The following ODAD2 variants were observed in gnomAD, a reference collection of about 807,000 sequenced individuals.
The protein encoded by ODAD2 is outer dynein arm docking complex subunit 2.
In ODAD2, 89 loss-of-function variants were observed where a neutral mutation model predicts 106.8. The ratio of observed to expected loss-of-function variants is 0.83; its 90% confidence interval spans 0.70 to 0.99. The LOEUF (loss-of-function observed/expected upper bound fraction) is 0.99. Ranked by LOEUF, ODAD2 falls within the 50% of genes least tolerant of loss-of-function variation. The probability of loss-of-function intolerance (pLI) is 0.00; values close to 1 mark genes in which losing one functional copy is unlikely to be tolerated. For missense variants in ODAD2, 1,168 were observed against 1,238.5 expected, an observed-to-expected ratio of 0.94 and a Z score of 0.85; for synonymous variants, 404 against 436.2, an observed-to-expected ratio of 0.93 and a Z score of 0.92.
chr10:27,848,372 T>C (rs1473212559), intron 19 of ODAD2, among the ~76,000 whole-genome samples: 2 of 152,198 alleles, frequency 1.3e-5, no homozygotes, highest in Non-Finnish European at 2.9e-5. Flanking sequence ...TAGCCATATG[T>C]AGGAAGCTGA....
intron 19 of ODAD2, among the ~76,000 whole-genome samples, chr10:27,845,522 A>G (rs1433931938): frequency 6.6e-6 from 1 of 152,228 alleles, no homozygotes; most frequent in African/African-American, 2.4e-5. Flanking sequence ...ACTAACAAGC[A>G]AAAGAACCAG....
chr10:27,949,475 G>A (rs563330191), intron 10 of ODAD2, among the ~76,000 whole-genome samples: 9 of 152,228 alleles, frequency 5.9e-5, no homozygotes, highest in African/African-American at 1.9e-4. Flanking sequence ...GAAAATAGGC[G>A]ATTTCCCAGG....
intron 19 of ODAD2, among the ~76,000 whole-genome samples, chr10:27,858,747 T>C (rs1377308417): frequency 2.0e-5 from 3 of 151,910 alleles, no homozygotes; most frequent in Admixed American, 6.6e-5. Context: ...TAATTGCGAG[T>C]TGCATATACA....
chr10:27,981,401 A>G, intron 7 of ODAD2, 65 bp downstream of exon 7: 1 of 1,387,992 alleles, frequency 7.2e-7, no homozygotes, highest in Non-Finnish European at 9.4e-7. Flanking sequence ...TTTTTCTTGT[A>G]CCATAGAAAG....
At chr10:27,897,516 A>G (rs912414700) in intron 17 of ODAD2, among the ~76,000 whole-genome samples, 1 of 152,082 alleles carries the variant, frequency 6.6e-6, no homozygotes, top group Non-Finnish European at 1.5e-5. Flanking sequence ...TCTTTCTTAT[A>G]TTGTCTCTTC....
At chr10:27,925,217 T>A (rs1845174132) in intron 16 of ODAD2, among the ~76,000 whole-genome samples, 1 of 152,144 alleles carries the variant, frequency 6.6e-6, no homozygotes, top group African/African-American at 2.4e-5. Context: ...GCAAGGTTAG[T>A]TCAATGTTTG....
intron 1 of ODAD2, among the ~76,000 whole-genome samples, chr10:27,996,967 T>C (rs1850591210): frequency 6.6e-6 from 1 of 152,222 alleles, no homozygotes; most frequent in Non-Finnish European, 1.5e-5. Context: ...ACACTATCAA[T>C]ATTTAAAACT....
intron 19 of ODAD2, among the ~76,000 whole-genome samples, chr10:27,823,121 G>T (rs186163710): frequency 7.2e-5 from 11 of 152,278 alleles, no homozygotes; most frequent in Admixed American, 3.3e-4. Context: ...CAGAGGAAAA[G>T]GAAGTGATAA....
At chr10:27,825,362 A>C (rs1452007796) in intron 19 of ODAD2, among the ~76,000 whole-genome samples, 3 of 152,236 alleles carry the variant, frequency 2.0e-5, no homozygotes, top group Non-Finnish European at 4.4e-5. Context: ...AGAATGTAAT[A>C]AAACCTTTCT....
intron 9 of ODAD2, among the ~76,000 whole-genome samples, chr10:27,967,455 G>C (rs1472085983): frequency 2.6e-4 from 40 of 152,036 alleles, no homozygotes; most frequent in African/African-American, 8.7e-4. Flanking sequence ...CTACCCTCCA[G>C]AAATAATGAG....
intron 16 of ODAD2, among the ~76,000 whole-genome samples, chr10:27,923,353 C>T (rs917684679): frequency 8.5e-5 from 13 of 152,064 alleles, no homozygotes; most frequent in African/African-American, 3.1e-4. Context: ...GATAAATATT[C>T]TGTTACCAAA....
intron 16 of ODAD2, among the ~76,000 whole-genome samples, chr10:27,927,203 T>C (rs1845315005): frequency 6.6e-6 from 1 of 152,102 alleles, no homozygotes; most frequent in African/African-American, 2.4e-5. Flanking sequence ...CTGAGAAACA[T>C]ATAAAGGAAG....
chr10:27,984,113 A>C lies in ODAD2; in HGVS notation c.682+71T>G. ...TTAAACCTTCTCTTGTAATGTAGACATTGAAAGCATTTTGCAAATGTAATT... is the reference window on the plus strand; with the variant it reads ...TTAAACCTTCTCTTGTAATGTAGACCTTGAAAGCATTTTGCAAATGTAATT... On this transcript the variant is annotated intron_variant, in intron 5 of 19. Coordinates refer to ENST00000305242, the MANE Select transcript of ODAD2 (RefSeq NM_018076.5). The C allele has an allele frequency of 4.7e-6, 7 of 1,485,618 alleles. No homozygotes were observed. In the South Asian group the frequency reaches 8.1e-5, roughly 17 times the overall value. 92.0% of individuals were successfully genotyped at this position (1,485,618 alleles called of 1,614,324 possible).
intron 19 of ODAD2, among the ~76,000 whole-genome samples, chr10:27,848,940 T>G (rs1214187436): frequency 6.6e-6 from 1 of 152,176 alleles, no homozygotes; most frequent in Non-Finnish European, 1.5e-5. Context: ...AGGAACACTT[T>G]TACACTGTTA....
chr10:27,984,112 C>T (rs1849727530), intron 5 of ODAD2, 72 bp downstream of exon 5: 2 of 1,471,408 alleles, frequency 1.4e-6, no homozygotes, highest in Non-Finnish European at 1.9e-6. Flanking sequence ...GTAATGTAGA[C>T]ATTGAAAGCA....
intron 19 of ODAD2, among the ~76,000 whole-genome samples, chr10:27,841,253 A>G (rs924126461): frequency 6.6e-6 from 1 of 152,166 alleles, no homozygotes; most frequent in Admixed American, 6.5e-5. Context: ...GGTAGAAAAA[A>G]GGTTTGTGAA....
At chr10:27,966,571 A>G (rs891171313) in intron 9 of ODAD2, among the ~76,000 whole-genome samples, 2 of 152,148 alleles carry the variant, frequency 1.3e-5, no homozygotes, top group African/African-American at 2.4e-5. Flanking sequence ...GCAACTGCAT[A>G]TTCAGGAGGT....
At position 27,892,059 on chromosome 10, in the gene ODAD2, C is replaced by T. The variant is rs1054677912; in HGVS notation, c.2610+15604G>A. On this transcript the variant is annotated intron_variant, in intron 17 of 19. Coordinates refer to ENST00000305242, the MANE Select transcript of ODAD2 (RefSeq NM_018076.5). ...CTTTTTCTCCAAAAATGTGTTTGATCGTTCAGCTTGAAAGAAACAGTTTTA... is the reference window on the plus strand; with the variant it reads ...CTTTTTCTCCAAAAATGTGTTTGATTGTTCAGCTTGAAAGAAACAGTTTTA... Among the ~76,000 whole-genome samples the T allele has an allele frequency of 4.6e-5, 7 of 151,656 alleles. No homozygotes were observed. In the East Asian group the frequency reaches 8.0e-4, roughly 17 times the overall value.
In ODAD2 at chr10:27,984,300, A is replaced by C; in HGVS notation, c.576-10T>G. On this transcript the variant is annotated splice_polypyrimidine_tract_variant and intron_variant, in intron 4 of 19. Transcript: ENST00000305242. Reference sequence around the variant, plus strand: ...ACTTAAACTTATTTCTCTGAAATAAATGTTTAAAATGTCAGCTTAAATACT... The same window carrying C: ...ACTTAAACTTATTTCTCTGAAATAACTGTTTAAAATGTCAGCTTAAATACT... 1 of 1,540,238 alleles carries C rather than the reference A, an allele frequency of 6.5e-7. No homozygotes were observed. Among genetic ancestry groups the C allele is most frequent in the Non-Finnish European group, 9.0e-7 (1 of 1,113,552 alleles).
Sources: gnomAD v4.1 joint callset for allele counts (sites outside exome capture counted in the v4.1 genomes callset) on GRCh38, gnomAD v4.1.1 for gene constraint, MANE v1.5 for transcripts, NCBI Gene and HGNC (gene_info 2026-07-23, HGNC 2026-07-21) for gene names.